The following TBC1D12 variants were observed in gnomAD, a reference collection of about 807,000 sequenced individuals.
TBC1D12 encodes the protein TBC1 domain family, member 12.
TBC1D12 carries 56 observed loss-of-function variants against 86.7 expected under a neutral mutation model. That is an observed-to-expected ratio of 0.65 (90% CI 0.52 to 0.81). The LOEUF is 0.81. TBC1D12 is among the 30% of genes least tolerant of loss of function. The probability of loss-of-function intolerance (pLI) is 0.00; values close to 1 mark genes in which losing one functional copy is unlikely to be tolerated. For missense variants in TBC1D12, 1,023 were observed against 1,038.8 expected, an observed-to-expected ratio of 0.98 and a Z score of 0.21; for synonymous variants, 421 against 411.7, an observed-to-expected ratio of 1.02 and a Z score of -0.27.
chr10:94,486,346 G>A (rs1322083937), intron 3 of TBC1D12, among the ~76,000 whole-genome samples: 1 of 151,154 alleles, frequency 6.6e-6, no homozygotes, highest in African/African-American at 2.4e-5. Context: ...ACTAATTTTG[G>A]ATTTGGTTTG....
At chr10:94,527,375 C>T (rs761667908) in intron 11 of TBC1D12, among the ~76,000 whole-genome samples, 1 of 151,508 alleles carries the variant, frequency 6.6e-6, no homozygotes, top group Non-Finnish European at 1.5e-5. Flanking sequence ...AGGCATGAGC[C>T]ATGGTGCCTG....
intron 8 of TBC1D12, 110 bp from the exon 9 acceptor site, chr10:94,511,473 A>T: frequency 1.9e-5 from 14 of 738,928 alleles, no homozygotes; most frequent in Non-Finnish European, 3.3e-5. Context: ...TTTATTAAAT[A>T]TGCTAAAACT....
intron 1 of TBC1D12, among the ~76,000 whole-genome samples, chr10:94,404,192 G>C (rs947265815): frequency 2.6e-5 from 4 of 152,162 alleles, no homozygotes; most frequent in African/African-American, 9.7e-5. Flanking sequence ...ATGCAGTTTG[G>C]TGTTTAGAAT....
At chr10:94,494,013 T>C (rs2056282103) in intron 4 of TBC1D12, among the ~76,000 whole-genome samples, 1 of 151,886 alleles carries the variant, frequency 6.6e-6, no homozygotes, top group South Asian at 2.1e-4. Flanking sequence ...TTTTATAATT[T>C]AATAATTTTA....
At chr10:94,422,898 A>G (rs1180425306) in intron 1 of TBC1D12, among the ~76,000 whole-genome samples, 4 of 152,148 alleles carry the variant, frequency 2.6e-5, no homozygotes, top group African/African-American at 9.7e-5. Flanking sequence ...AGTAGAATTT[A>G]TTGTTAGCAT....
At chr10:94,497,750 C>T (rs1405445732) in intron 5 of TBC1D12, among the ~76,000 whole-genome samples, 13 of 148,428 alleles carry the variant, frequency 8.8e-5, no homozygotes, top group Non-Finnish European at 1.0e-4. Context: ...TAAATCTTAC[C>T]TATCCTTTGG....
intron 2 of TBC1D12, among the ~76,000 whole-genome samples, chr10:94,451,110 T>C (rs79406741): frequency 0.022 from 3,336 of 152,160 alleles, 124 homozygotes; most frequent in African/African-American, 0.074. Flanking sequence ...TAAGTTCTAG[T>C]GTTTCATACC....
At position 94,403,410 on chromosome 10, in the gene TBC1D12, T is replaced by C; in HGVS notation, c.797T>C (p.Phe266Ser). The change falls in exon 1 of 13, where the codon TTT becomes TCT. Residue 266 changes from phenylalanine to serine, a missense_variant. Transcript: ENST00000225235. ...TNGGAEPRLG[F>S]SDIHFNSRNT... ...GGGGGTGCGGAGCCGCGCCTGGGCT[T>C]TTCTGACATTCACTTCAACTCTCGC... is the stretch of plus-strand genomic sequence containing the variant. 6.5e-7 allele frequency: 1 copy of C among 1,548,990 alleles called. No individual in the cohort carries two copies. Among genetic ancestry groups the C allele is most frequent in the African/African-American group, 1.4e-5 (1 of 71,638 alleles).
Position 94,521,688 on chromosome 10 carries a change from T to C in TBC1D12, c.1762-267T>C, listed in dbSNP as rs576583673. Reference sequence around the variant, plus strand: ...ATGAAAACTAGGTAATACGCTGAGATAGCCTTTTGTAGCAGTAAAATCTGA... The same window carrying C: ...ATGAAAACTAGGTAATACGCTGAGACAGCCTTTTGTAGCAGTAAAATCTGA... On this transcript the variant is annotated intron_variant, in intron 9 of 12. Transcript: ENST00000225235. 4.0e-4 allele frequency among the ~76,000 whole-genome samples: 61 copies of C among 152,334 alleles called. No individual in the cohort carries two copies. The South Asian group carries it at 0.01, about 26-fold the overall frequency.
rs1440390857 is a variant in TBC1D12, at chr10:94,403,517, G to A, written c.904G>A (p.Glu302Lys). The A allele has an allele frequency of 9.0e-6, 14 of 1,563,124 alleles. No individual in the cohort carries two copies. In the East Asian group the frequency reaches 3.4e-4, roughly 38 times the overall value. Residue 302 changes from glutamate (E) to lysine (K), a missense_variant, in exon 1 of 13, where the codon GAG becomes AAG. Coordinates refer to ENST00000225235, the MANE Select transcript of TBC1D12 (RefSeq NM_015188.2). ...GCCGCCGGTGCCCTTGCCCGCCGCG[G>A]AGCAGGGTCCTGCGGGGGCTTCGGC... ...AGPPVPLPAA[E>K]QGPAGASARA...
At chr10:94,407,258 G>C (rs1482612639) in intron 1 of TBC1D12, among the ~76,000 whole-genome samples, 1 of 152,198 alleles carries the variant, frequency 6.6e-6, no homozygotes, top group Non-Finnish European at 1.5e-5. Flanking sequence ...CATGAGGTGA[G>C]TTCTATTTCA....
At chr10:94,524,522 C>T (rs1455176704) in intron 11 of TBC1D12, among the ~76,000 whole-genome samples, 2 of 152,004 alleles carry the variant, frequency 1.3e-5, no homozygotes, top group Non-Finnish European at 2.9e-5. Flanking sequence ...AGGCGGATCA[C>T]GAGGTCAGGA....
At chr10:94,464,813 A>G (rs2055782854) in intron 2 of TBC1D12, among the ~76,000 whole-genome samples, 1 of 152,244 alleles carries the variant, frequency 6.6e-6, no homozygotes, top group South Asian at 2.1e-4. Context: ...CAAAAACAAC[A>G]TATTTGTGAA....
intron 1 of TBC1D12, among the ~76,000 whole-genome samples, chr10:94,430,247 G>A (rs2055197584): frequency 6.6e-6 from 1 of 152,132 alleles, no homozygotes; most frequent in South Asian, 2.1e-4. Context: ...AGTCTAAAAG[G>A]TTAAAATAGT....
At chr10:94,433,016 C>A (rs1429131110) in intron 1 of TBC1D12, among the ~76,000 whole-genome samples, 2 of 151,882 alleles carry the variant, frequency 1.3e-5, no homozygotes, top group East Asian at 3.9e-4. Flanking sequence ...ACCAGCCTGG[C>A]CGACATGGTA....
At chr10:94,463,552 G>T (rs1289137507) in intron 2 of TBC1D12, among the ~76,000 whole-genome samples, 20 of 152,098 alleles carry the variant, frequency 1.3e-4, no homozygotes, top group Admixed American at 1.2e-3. Context: ...CCTCTTAAAG[G>T]CTCCCCCACC....
intron 2 of TBC1D12, among the ~76,000 whole-genome samples, chr10:94,449,447 TTATAATC>T (rs1564951814): frequency 6.6e-6 from 1 of 152,264 alleles, no homozygotes; most frequent in East Asian, 1.9e-4. Flanking sequence ...GGAATAAAAT[TTATAATC>T]TATAAAGACA....
At position 94,403,254 on chromosome 10, in the gene TBC1D12, G is replaced by C. The variant is rs1171578868; in HGVS notation, c.641G>C (p.Gly214Ala). The part of the protein sequence containing the change: ...LVAADAQEPE[G>A]AGSDSGDSPA... ...GCCGCGGACGCCCAGGAGCCCGAGG[G>C]CGCGGGCAGCGACTCGGGGGACAGC... The change falls in exon 1 of 13, where the codon GGC becomes GCC. Residue 214 changes from glycine to alanine, a missense_variant. Physicochemically the swap from Gly to Ala is moderately conservative, Grantham distance 60. Coordinates refer to ENST00000225235, the MANE Select transcript of TBC1D12 (RefSeq NM_015188.2). The C allele has an allele frequency of 2.0e-6, 3 of 1,505,074 alleles. No homozygotes were observed. Among genetic ancestry groups the C allele is most frequent in the Non-Finnish European group, 2.7e-6 (3 of 1,128,632 alleles). 93.2% of individuals were successfully genotyped at this position (1,505,074 alleles called of 1,614,324 possible).
chr10:94,422,784 C>T (rs2055093595), intron 1 of TBC1D12, among the ~76,000 whole-genome samples: 1 of 151,878 alleles, frequency 6.6e-6, no homozygotes, highest in South Asian at 2.1e-4. Flanking sequence ...GTTGTCCTGG[C>T]TGGTTTTGAA....
Sources: gnomAD v4.1 joint callset for allele counts (sites outside exome capture counted in the v4.1 genomes callset) on GRCh38, gnomAD v4.1.1 for gene constraint, MANE v1.5 for transcripts, NCBI Gene and HGNC (gene_info 2026-07-23, HGNC 2026-07-21) for gene names.